GLDC: variants seen among roughly 807,000 people sequenced by gnomAD.
GLDC encodes glycine decarboxylase, also known as glycine dehydrogenase (decarboxylating), mitochondrial.
GLDC carries 104 observed loss-of-function variants against 121.3 expected under a neutral mutation model. The observed-to-expected ratio is 0.86, with a 90% confidence interval of 0.73 to 1.01. GLDC has a LOEUF of 1.01. Among genes scored for constraint, GLDC ranks in the 50% least tolerant of loss-of-function variants. GLDC has a pLI of 0.00. For synonymous variants in GLDC, 546 were observed against 480.6 expected, an observed-to-expected ratio of 1.14 and a Z score of -1.78; for missense variants, 1,429 against 1,306.6, an observed-to-expected ratio of 1.09 and a Z score of -1.44.
intron 2 of GLDC, among the ~76,000 whole-genome samples, chr9:6,629,610 A>AAC (rs34056367): frequency 1.3e-4 from 20 of 150,764 alleles, no homozygotes; most frequent in South Asian, 1.0e-3. Flanking sequence ...GCTACAACTA[A>AAC]ACACACACAC....
intron 4 of GLDC, among the ~76,000 whole-genome samples, chr9:6,607,604 A>G (rs1205642554): frequency 6.6e-6 from 1 of 151,948 alleles, no homozygotes; most frequent in Non-Finnish European, 1.5e-5. Flanking sequence ...ACATACATAC[A>G]TAAATTAATA....
intron 2 of GLDC, among the ~76,000 whole-genome samples, chr9:6,624,819 C>T (rs4351464): frequency 6.6e-6 from 1 of 152,006 alleles, no homozygotes; most frequent in Non-Finnish European, 1.5e-5. Context: ...GAAACCCTGT[C>T]TCTACTAAAA....
At chr9:6,622,115 T>C (rs1819109042) in intron 2 of GLDC, among the ~76,000 whole-genome samples, 1 of 151,084 alleles carries the variant, frequency 6.6e-6, no homozygotes, top group Non-Finnish European at 1.5e-5. Flanking sequence ...GCATCAATCT[T>C]TATCCTCAAG....
At chr9:6,643,967 G>C (rs1016946708) in intron 2 of GLDC, among the ~76,000 whole-genome samples, 6 of 134,908 alleles carry the variant, frequency 4.4e-5, no homozygotes, top group Non-Finnish European at 7.6e-5. Flanking sequence ...CAGGGAGGCG[G>C]AGGTTGCAGT....
rs191573792 is a variant in GLDC, at chr9:6,589,169, G to A, written c.1580+26C>T. On this transcript the variant is annotated intron_variant, in intron 12 of 24. Transcript: ENST00000321612. ...CTAGCTGATTACCAAAGCACAAAAC[G>A]CAGAAGTCACACAAGACACACAAAC... is the stretch of plus-strand genomic sequence containing the variant. 789 of 1,382,788 alleles carry A rather than the reference G, an allele frequency of 5.7e-4. 8 individuals carry two copies. In the East Asian group the frequency reaches 9.0e-3, roughly 16 times the overall value. The allele number at this position is 1,382,788 out of a possible 1,614,324, so 85.7% of individuals were successfully genotyped here.
chr9:6,610,407 C>T, intron 3 of GLDC, 51 bp from the exon 4 acceptor site: 2 of 1,578,248 alleles, frequency 1.3e-6, no homozygotes, highest in Non-Finnish European at 1.7e-6. Flanking sequence ...TTTAGAGAAG[C>T]ACACAAAATG....
At chr9:6,626,832 T>C (rs1819250031) in intron 2 of GLDC, among the ~76,000 whole-genome samples, 1 of 152,202 alleles carries the variant, frequency 6.6e-6, no homozygotes, top group Admixed American at 6.5e-5. Context: ...GCACTGGTCA[T>C]GCCCTGCCCC....
At chr9:6,542,996 C>T (rs945473289) in intron 21 of GLDC, among the ~76,000 whole-genome samples, 2 of 149,478 alleles carry the variant, frequency 1.3e-5, no homozygotes, top group African/African-American at 4.9e-5. Flanking sequence ...AGGGGAAAAT[C>T]ATTAGACTAA....
At chr9:6,626,388 G>A (rs1819238639) in intron 2 of GLDC, among the ~76,000 whole-genome samples, 1 of 152,082 alleles carries the variant, frequency 6.6e-6, no homozygotes, top group Admixed American at 6.5e-5. Context: ...GAAATAAAAA[G>A]ATAAAAAATA....
At chr9:6,602,970 A>G (rs1435981542) in intron 7 of GLDC, among the ~76,000 whole-genome samples, 3 of 152,066 alleles carry the variant, frequency 2.0e-5, no homozygotes, top group Non-Finnish European at 4.4e-5. Context: ...GCTCATGTCT[A>G]TAATCCCAGC....
chr9:6,624,067 T>G (rs1215438943), intron 2 of GLDC, among the ~76,000 whole-genome samples: 2 of 152,210 alleles, frequency 1.3e-5, no homozygotes, highest in African/African-American at 4.8e-5. Flanking sequence ...GATAGTATGA[T>G]TCTTTTTACA....
chr9:6,582,830 A>G (rs79676994), intron 15 of GLDC, among the ~76,000 whole-genome samples: 1 of 138,034 alleles, frequency 7.2e-6, no homozygotes, highest in Non-Finnish European at 1.5e-5. Flanking sequence ...CCTCGTCTCA[A>G]AAAAAAAAAA....
Position 6,644,609 on chromosome 9 carries a change from C to G in GLDC, c.334+5G>C. On this transcript the variant is annotated splice_donor_5th_base_variant and intron_variant, in intron 2 of 24. Coordinates refer to ENST00000321612, the MANE Select transcript of GLDC (RefSeq NM_000170.3). ...AAGTCCAAGGGAGCCCTCCCGGCCA[C>G]TTACAAACAGGGTCTTCCATTTTCA... 5 of 1,604,008 alleles carry G rather than the reference C, an allele frequency of 3.1e-6. No individual in the cohort carries two copies. The highest frequency in any genetic ancestry group is 4.3e-6 in the Non-Finnish European group (5 of 1,170,812).
intron 22 of GLDC, among the ~76,000 whole-genome samples, chr9:6,537,309 A>C (rs1052341111): frequency 8.5e-5 from 13 of 152,110 alleles, no homozygotes; most frequent in African/African-American, 3.1e-4. Context: ...ATGAGCCACC[A>C]CACCAGGCCT....
rs1818316493 is a variant in GLDC, at chr9:6,588,632, T to A, written c.1651A>T (p.Ser551Cys). The change falls in exon 13 of 25, where the codon AGC becomes TGC. Residue 551 changes from serine (S) to cysteine (C), a missense_variant. Transcript: ENST00000321612. The stretch of plus-strand genomic sequence containing the variant: ...CAAATAACTACCAGTGGAATCATGC[T>A]GTGAACAAGGGAAATGTCTTTATTT... ...LENKDISLVHSMIPLGSCTMK... is the reference protein window; with the variant it reads ...LENKDISLVHCMIPLGSCTMK... The A allele has an allele frequency of 1.2e-6, 2 of 1,610,418 alleles. No homozygotes were observed. Among genetic ancestry groups the A allele is most frequent in the Non-Finnish European group, 1.7e-6 (2 of 1,176,650 alleles).
At chr9:6,560,491 T>G (rs1262065452) in intron 16 of GLDC, among the ~76,000 whole-genome samples, 3 of 152,210 alleles carry the variant, frequency 2.0e-5, no homozygotes, top group Non-Finnish European at 2.9e-5. Context: ...ATGCTTCCCT[T>G]TTGTAGTTAA....
chr9:6,577,783 C>T (rs1296096777), intron 15 of GLDC, among the ~76,000 whole-genome samples: 1 of 151,704 alleles, frequency 6.6e-6, no homozygotes, highest in Non-Finnish European at 1.5e-5. Flanking sequence ...TATAATTCCC[C>T]TCCTCTCCTG....
At chr9:6,565,146 A>C (rs986830369) in intron 16 of GLDC, among the ~76,000 whole-genome samples, 17 of 152,316 alleles carry the variant, frequency 1.1e-4, no homozygotes, top group African/African-American at 4.1e-4. Context: ...CAAGTCTTTT[A>C]TCTCTGAATG....
rs1187053878 is a variant in GLDC, at chr9:6,534,636, G to C, written c.2919+72C>G. Reference sequence around the variant, plus strand: ...ATGGTTTCTGTAATCATGAGGCTAAGAGCGTACACCCGTCAGGATAGGAGC... The same window carrying C: ...ATGGTTTCTGTAATCATGAGGCTAACAGCGTACACCCGTCAGGATAGGAGC... On this transcript the variant is annotated intron_variant, in intron 24 of 24. Transcript: ENST00000321612. 94 of 788,012 alleles carry C rather than the reference G, an allele frequency of 1.2e-4. No homozygotes were observed. The East Asian group carries it at 2.3e-3, about 19-fold the overall frequency. The allele number at this position is 788,012 out of a possible 1,614,324, so 48.8% of individuals were successfully genotyped here.
Sources: allele counts gnomAD v4.1 joint callset (sites outside exome capture counted in the v4.1 genomes callset), GRCh38; gene constraint gnomAD v4.1.1; transcripts MANE v1.5; gene names NCBI Gene and HGNC (gene_info 2026-07-23, HGNC 2026-07-21).